The following ITPR3 variants were observed in gnomAD, a reference collection of about 807,000 sequenced individuals.
ITPR3 encodes the protein inositol 1,4,5-trisphosphate receptor type 3, also known as inositol 1,4,5-trisphosphate-gated calcium channel ITPR3.
In ITPR3, 173 loss-of-function variants were observed where a neutral mutation model predicts 293.2. The observed-to-expected ratio is 0.59, with a 90% CI of 0.52 to 0.67. ITPR3 has a LOEUF of 0.67. Among genes scored for constraint, ITPR3 ranks in the 30% least tolerant of loss-of-function variants. The pLI is 0.00. For synonymous variants in ITPR3, 1,295 were observed against 1,444.4 expected (o/e 0.90, Z 2.35); for missense variants, 2,796 against 3,592.1 (o/e 0.78, Z 5.66).
intron 28 of ITPR3, 112 bp from the exon 29 acceptor site, chr6:33,678,309 T>G (rs1343773294): frequency 1.4e-6 from 2 of 1,455,102 alleles, no homozygotes; most frequent in Non-Finnish European, 1.9e-6. Context: ...CGCTGGCCTC[T>G]TCACGGTCCC....
In ITPR3 at chr6:33,675,573, G is replaced by A; in HGVS notation, c.3117-118G>A. 9.1e-7 allele frequency: 1 copy of A among 1,093,208 alleles called. No homozygotes were observed. Among genetic ancestry groups the A allele is most frequent in the East Asian group, 2.6e-5 (1 of 38,662 alleles). The allele number at this position is 1,093,208 out of a possible 1,614,324, so 67.7% of individuals were successfully genotyped here. A position where few individuals can be genotyped will look rare whatever the true frequency, so the allele number is the denominator to read the frequency against. ...CAATATTTTAAACACATTTAGACTGGCCCTGCATCTGCTAATTGGGTGGCG... is the reference window on the plus strand; with the variant it reads ...CAATATTTTAAACACATTTAGACTGACCCTGCATCTGCTAATTGGGTGGCG... On this transcript the variant is annotated intron_variant, in intron 24 of 57. Coordinates refer to ENST00000605930, the MANE Select transcript of ITPR3 (RefSeq NM_002224.4). This position sits in a 1 kb window ranked among gnomAD's most constrained non-coding sequence, Gnocchi z 5.0.
rs941524940 is a variant in ITPR3, at chr6:33,658,829, G to C, written c.528+1G>C. The C allele has an allele frequency of 6.2e-7, 1 of 1,613,970 alleles. No homozygotes were observed. On this transcript the variant is annotated splice_donor_variant, in intron 5 of 57. Transcript: ENST00000605930. LOFTEE classifies it high-confidence loss of function. This position sits in a 1 kb window ranked among gnomAD's most constrained non-coding sequence, Gnocchi z 6.1. ...GAAGCTGCGGAGCAACGGGGACAAC[G>C]TGAGGGCAGGGCCAGGGTTGGAGGG... is the stretch of plus-strand genomic sequence containing the variant.
chr6:33,694,941 G>C lies in ITPR3; in HGVS notation c.7803G>C (p.Trp2601Cys). 1 of 1,614,132 alleles carries C rather than the reference G, an allele frequency of 6.2e-7. No individual in the cohort carries two copies. Among genetic ancestry groups the C allele is most frequent in the Non-Finnish European group, 8.5e-7 (1 of 1,180,026 alleles). ...AQMIKNKNLD[W>C]FPRMRAMSLV... ...TTTTTCAGAACAAGAACCTGGACTG[G>C]TTCCCCCGGATGCGGGCCATGTCCC... Residue 2601 changes from tryptophan to cysteine, a missense_variant, in exon 57 of 58, where the codon TGG (tryptophan) becomes TGC (cysteine). Transcript: ENST00000605930.
rs769933489 is a variant in ITPR3, at chr6:33,695,858, G to C, written c.*78G>C. 55 of 1,462,820 alleles carry C rather than the reference G, an allele frequency of 3.8e-5. No homozygotes were observed. Among genetic ancestry groups the C allele is most frequent in the Middle Eastern group, 1.7e-4 (1 of 5,770 alleles). 90.6% of individuals were successfully genotyped at this position (1,462,820 alleles called of 1,614,324 possible). ...TGGGAAGAACACTGCCCCCTCCCTC[G>C]GGTTGGGTGGCCCAGCCAGCTGGCC... On this transcript the variant is annotated 3_prime_UTR_variant, in exon 58 of 58. Transcript: ENST00000605930.
chr6:33,682,038 C>T lies in ITPR3; in HGVS notation c.4477-486C>T, dbSNP rs991959026. On this transcript the variant is annotated intron_variant, in intron 33 of 57. Transcript: ENST00000605930. This position sits in a 1 kb window ranked among gnomAD's most constrained non-coding sequence, Gnocchi z 5.4. ...CTGGGATTATAGGCACCCGCCACCA[C>T]GCCCGGCTAATTTTTGTATTTTTAG... 5.9e-5 allele frequency among the ~76,000 whole-genome samples: 9 copies of T among 152,048 alleles called. No homozygotes were observed. The highest frequency in any genetic ancestry group is 1.9e-4 in the East Asian group (1 of 5,180).
At position 33,663,464 on chromosome 6, in the gene ITPR3, TC is replaced by T. The variant is rs143705174; in HGVS notation, c.955-34del. ...TGGGTCGTGTGGGTATAGTTTGGTG[TC>T]CAGTAGCTCCCCCACATCTTGTATC... On this transcript the variant is annotated intron_variant, in intron 9 of 57. Transcript: ENST00000605930. 0.015 allele frequency: 23,118 copies of T among 1,583,334 alleles called. 1,790 individuals carry two copies. In the African/African-American group the frequency reaches 0.21, roughly 14 times the overall value.
rs1764625912 is a variant in ITPR3, at chr6:33,666,968, T to C, written c.1552-161T>C. Among the ~76,000 whole-genome samples the C allele has an allele frequency of 6.6e-6, 1 of 152,110 alleles. No individual in the cohort carries two copies. Among genetic ancestry groups the C allele is most frequent in the Non-Finnish European group, 1.5e-5 (1 of 68,018 alleles). ...GAGTAGGGAGAGCTGGGGCTGAGGA[T>C]GGCTGGGCTGGGGTTGTGGTCCAGC... On this transcript the variant is annotated intron_variant, in intron 14 of 57. Coordinates refer to ENST00000605930, the MANE Select transcript of ITPR3 (RefSeq NM_002224.4). The surrounding 1 kb of genome is among the most constrained non-coding windows in gnomAD (Gnocchi z 5.1).
intron 51 of ITPR3, among the ~76,000 whole-genome samples, chr6:33,690,503 T>A (rs139767243): frequency 6.6e-6 from 1 of 152,138 alleles, no homozygotes; most frequent in African/African-American, 2.4e-5. Flanking sequence ...ACTGGGCAAG[T>A]TTCTTAACTG....
intron 10 of ITPR3, 62 bp downstream of exon 10, chr6:33,663,612 G>A: frequency 6.2e-7 from 1 of 1,601,534 alleles, no homozygotes; most frequent in Non-Finnish European, 8.5e-7. Flanking sequence ...GGCGGGGGCA[G>A]GGGAGGCCGT....
Position 33,692,088 on chromosome 6 carries a change from T to C in ITPR3, c.7458+160T>C, listed in dbSNP as rs9469564. Among the ~76,000 whole-genome samples the C allele has an allele frequency of 0.013, 1,998 of 152,296 alleles. 40 individuals carry two copies. Among genetic ancestry groups the C allele is most frequent in the African/African-American group, 0.042 (1,744 of 41,572 alleles). On this transcript the variant is annotated intron_variant, in intron 54 of 57. Transcript: ENST00000605930. This position sits in a 1 kb window ranked among gnomAD's most constrained non-coding sequence, Gnocchi z 4.2. ...TTCCCTGCTTTCCACACCTGGCCAA[T>C]TCCATGATATTACTGCTTAGCTGCC... is the stretch of plus-strand genomic sequence containing the variant.
At chr6:33,694,735 G>A in intron 56 of ITPR3, 189 bp from the exon 57 acceptor site, 4 of 654,430 alleles carry the variant, frequency 6.1e-6, no homozygotes, top group Admixed American at 3.0e-5. Flanking sequence ...GGGTTGACAA[G>A]AGGGTTGACT....
chr6:33,684,017 C>A lies in ITPR3; in HGVS notation c.4789-3C>A. ...GGCAATGACTCTGCCCTGCCCACCC[C>A]AGGACATCATCACAGCCCTGGAGGA... On this transcript the variant is annotated splice_polypyrimidine_tract_variant and splice_region_variant and intron_variant, in intron 35 of 57. Coordinates refer to ENST00000605930, the MANE Select transcript of ITPR3 (RefSeq NM_002224.4). The surrounding 1 kb of genome is among the most constrained non-coding windows in gnomAD (Gnocchi z 4.2). The A allele has an allele frequency of 6.2e-7, 1 of 1,601,170 alleles. No homozygotes were observed. Among genetic ancestry groups the A allele is most frequent in the Non-Finnish European group, 8.5e-7 (1 of 1,173,876 alleles).
At chr6:33,656,242 C>T (rs1004438363) in intron 3 of ITPR3, among the ~76,000 whole-genome samples, 3 of 152,130 alleles carry the variant, frequency 2.0e-5, no homozygotes, top group African/African-American at 7.2e-5. Flanking sequence ...TCCCAGTGAC[C>T]CACCAGTCTG....
At chr6:33,660,406 T>C (rs1385334484) in intron 7 of ITPR3, among the ~76,000 whole-genome samples, 1 of 152,008 alleles carries the variant, frequency 6.6e-6, no homozygotes, top group Non-Finnish European at 1.5e-5. Flanking sequence ...TGAGCTGCTC[T>C]GTTAGACTCT....
chr6:33,663,445 G>A (rs373088890), intron 9 of ITPR3, 55 bp from the exon 10 acceptor site: 28 of 1,530,650 alleles, frequency 1.8e-5, no homozygotes, highest in East Asian at 2.4e-5. Flanking sequence ...GCAGTGGGTC[G>A]TGTGGGTATA....
rs532165064 is a variant in ITPR3, at chr6:33,630,457, T to C, written c.89+8766T>C. Among the ~76,000 whole-genome samples the C allele has an allele frequency of 7.9e-5, 12 of 152,304 alleles. No homozygotes were observed. In the East Asian group the frequency reaches 2.3e-3, roughly 29 times the overall value. ...ACAAGCCTGGGGCTGGCAGGCCAAA[T>C]ATATGAGGCAAGGGCTGGCTGGCGG... On this transcript the variant is annotated intron_variant, in intron 1 of 57. Coordinates refer to ENST00000605930, the MANE Select transcript of ITPR3 (RefSeq NM_002224.4).
Position 33,632,059 on chromosome 6 carries a change from G to A in ITPR3, c.90-8425G>A, listed in dbSNP as rs1255036018. ...TTTTTATTATACTGAAACAGTTTGT[G>A]CCTTCAGTCTCTTGCCTTGGCACCT... On this transcript the variant is annotated intron_variant, in intron 1 of 57. Coordinates refer to ENST00000605930, the MANE Select transcript of ITPR3 (RefSeq NM_002224.4). The surrounding 1 kb of genome is among the most constrained non-coding windows in gnomAD (Gnocchi z 4.1). Among the ~76,000 whole-genome samples, 1 of 152,098 alleles carries A rather than the reference G, an allele frequency of 6.6e-6. No homozygotes were observed. Among genetic ancestry groups the A allele is most frequent in the South Asian group, 2.1e-4 (1 of 4,814 alleles).
At chr6:33,680,257 A>G in intron 31 of ITPR3, 72 bp from the exon 32 acceptor site, 1 of 1,581,628 alleles carries the variant, frequency 6.3e-7, no homozygotes. Context: ...GCCAGGGGAC[A>G]GGAGCATTGT....
intron 1 of ITPR3, among the ~76,000 whole-genome samples, chr6:33,631,219 T>C (rs993010252): frequency 2.6e-5 from 4 of 152,228 alleles, no homozygotes; most frequent in East Asian, 1.9e-4. Flanking sequence ...GAGATTGTAA[T>C]AAATAAAAGC....
Sources: gnomAD v4.1 joint callset for allele counts (sites outside exome capture counted in the v4.1 genomes callset) on GRCh38, gnomAD v4.1.1 for gene constraint, Gnocchi (gnomAD v3.1) non-coding constraint, MANE v1.5 for transcripts, NCBI Gene and HGNC (gene_info 2026-07-23, HGNC 2026-07-21) for gene names.